CAPNS1: variants seen among roughly 807,000 people sequenced by gnomAD.
CAPNS1 encodes the protein calpain small subunit 1.
CAPNS1 carries 32 observed loss-of-function variants against 39.2 expected under a neutral mutation model. The ratio of observed to expected loss-of-function variants is 0.82; its 90% CI spans 0.62 to 1.10. CAPNS1 has a LOEUF of 1.10. CAPNS1 is among the 50% of genes least tolerant of loss of function. CAPNS1 has a pLI of 0.00. For missense variants in CAPNS1, 353 were observed against 373.1 expected (o/e 0.95, Z 0.44); for synonymous variants, 153 against 136.2 (o/e 1.12, Z -0.86).
intron 3 of CAPNS1, 84 bp downstream of exon 3, chr19:36,142,417 C>T: frequency 2.7e-6 from 2 of 732,106 alleles, no homozygotes; most frequent in South Asian, 3.4e-5. Context: ...GAAGCCCCAC[C>T]TTCCTCCCCT....
intron 3 of CAPNS1, 140 bp downstream of exon 3, chr19:36,142,473 C>G (rs1974411460): frequency 1.5e-6 from 1 of 687,774 alleles, no homozygotes; most frequent in Non-Finnish European, 2.6e-6. Context: ...GTGTCTGCAG[C>G]TTCGCCATGG....
At chr19:36,147,119 T>C (rs1274780926) in intron 9 of CAPNS1, among the ~76,000 whole-genome samples, 1 of 152,260 alleles carries the variant, frequency 6.6e-6, no homozygotes, top group Non-Finnish European at 1.5e-5. Context: ...GCTTTGGTGT[T>C]ACAGGCATGA....
intron 6 of CAPNS1, among the ~76,000 whole-genome samples, 179 bp downstream of exon 6, chr19:36,143,307 C>G (rs1974447120): frequency 6.6e-6 from 1 of 152,178 alleles, no homozygotes; most frequent in African/African-American, 2.4e-5. Flanking sequence ...ACAGCTGGCA[C>G]TTTAATTATA....
At chr19:36,140,807 A>G (rs1255956361) in intron 1 of CAPNS1, 190 bp from the exon 2 acceptor site, 3 of 702,674 alleles carry the variant, frequency 4.3e-6, no homozygotes, top group East Asian at 6.9e-5. Flanking sequence ...TGCCTTTTAG[A>G]CCTGAGGAGG....
chr19:36,149,913 G>C lies in CAPNS1; in HGVS notation c.*74G>C. 1 of 1,307,614 alleles carries C rather than the reference G, an allele frequency of 7.6e-7. No homozygotes were observed. The highest frequency in any genetic ancestry group is 1.0e-6 in the Non-Finnish European group (1 of 996,956). 81.0% of individuals were successfully genotyped at this position (1,307,614 alleles called of 1,614,324 possible). A position where few individuals can be genotyped will look rare whatever the true frequency, so the allele number is the denominator to read the frequency against. On this transcript the variant is annotated 3_prime_UTR_variant, in exon 11 of 11. Transcript: ENST00000246533. ...TGGAGCCTCGGTCTCTCCCAGGGCC[G>C]ATCCTGTCTGCAGTCACATCTTTGT...
In CAPNS1 at chr19:36,142,656, C is replaced by T; in HGVS notation, c.248C>T (p.Pro83Leu). The T allele has an allele frequency of 1.9e-6, 3 of 1,614,064 alleles. No homozygotes were observed. The highest frequency in any genetic ancestry group is 1.1e-5 in the South Asian group (1 of 91,080). Residue 83 changes from proline (P) to leucine (L), a missense_variant, in exon 4 of 11, where the codon CCA (proline) becomes CTA (leucine). Pro to Leu is a moderately conservative substitution (Grantham distance 98). Coordinates refer to ENST00000246533, the MANE Select transcript of CAPNS1 (RefSeq NM_001749.4). The stretch of plus-strand genomic sequence containing the variant: ...TGAGCTCTCCTCCCTTTGCAGCCCC[C>T]ACGCACACATTACTCCAACATTGAG... ...AAQYNPEPPP[P>L]RTHYSNIEAN... is the part of the protein sequence containing the mutation.
At position 36,142,658 on chromosome 19, in the gene CAPNS1, C is replaced by G. The variant is rs371312155; in HGVS notation, c.250C>G (p.Arg84Gly). ...AGCTCTCCTCCCTTTGCAGCCCCCA[C>G]GCACACATTACTCCAACATTGAGGC... ...AQYNPEPPPP[R>G]THYSNIEANE... is the part of the protein sequence containing the mutation. The change falls in exon 4 of 11, where the codon CGC becomes GGC. Residue 84 changes from arginine (R) to glycine (G), a missense_variant. Physicochemically the swap from Arg to Gly is moderately radical, Grantham distance 125. Coordinates refer to ENST00000246533, the MANE Select transcript of CAPNS1 (RefSeq NM_001749.4). The G allele has an allele frequency of 6.2e-7, 1 of 1,614,046 alleles. No homozygotes were observed. The highest frequency in any genetic ancestry group is 8.5e-7 in the Non-Finnish European group (1 of 1,179,910).
At chr19:36,146,084 G>C in intron 8 of CAPNS1, 30 bp downstream of exon 8, 1 of 1,609,576 alleles carries the variant, frequency 6.2e-7, no homozygotes, top group Non-Finnish European at 8.5e-7. Context: ...GCTGGGGCTG[G>C]GAGTGGGATG....
chr19:36,146,052 C>G lies in CAPNS1; in HGVS notation c.602C>G (p.Ala201Gly), dbSNP rs569284310. ...GAACTCCCAGGTGCCTTTGAGGCAG[C>G]AGGTATGGCTGGCAGGGACATGCTG... ...SSELPGAFEA[A>G]GFHLNEHLYN... Residue 201 changes from alanine (A) to glycine (G), a missense_variant and splice_region_variant, in exon 8 of 11, where the codon GCA becomes GGA. Coordinates refer to ENST00000246533, the MANE Select transcript of CAPNS1 (RefSeq NM_001749.4). The G allele has an allele frequency of 1.2e-6, 2 of 1,614,054 alleles. No homozygotes were observed. The highest frequency in any genetic ancestry group is 1.7e-5 in the Admixed American group (1 of 60,014).
In CAPNS1 at chr19:36,142,691, A is replaced by T; in HGVS notation, c.283A>T (p.Ser95Cys). Residue 95 changes from serine (S) to cysteine (C), a missense_variant, in exon 4 of 11, where the codon AGT becomes TGT. Transcript: ENST00000246533. Reference protein sequence around the residue: ...THYSNIEANESEEVRQFRRLF... With the variant: ...THYSNIEANECEEVRQFRRLF... The stretch of plus-strand genomic sequence containing the variant: ...TTACTCCAACATTGAGGCCAACGAG[A>T]GTGAGGAGGTCCGGCAGTTCCGGAG... 6.2e-7 allele frequency: 1 copy of T among 1,613,940 alleles called. No homozygotes were observed. The highest frequency in any genetic ancestry group is 8.5e-7 in the Non-Finnish European group (1 of 1,179,992).
intron 6 of CAPNS1, chr19:36,143,959 A>G (rs1446107889): frequency 6.6e-6 from 1 of 151,174 alleles, no homozygotes; most frequent in East Asian, 2.0e-4. Context: ...GCGGATCACG[A>G]GGTCAGGAGA....
chr19:36,141,122 G>T lies in CAPNS1; in HGVS notation c.111G>T (p.Gly37=). 7.6e-7 allele frequency: 1 copy of T among 1,321,524 alleles called. No homozygotes were observed. Among genetic ancestry groups the T allele is most frequent in the Non-Finnish European group, 9.8e-7 (1 of 1,019,290 alleles). The allele number at this position is 1,321,524 out of a possible 1,614,324, so 81.9% of individuals were successfully genotyped here. Residue 37 remains glycine (G), a synonymous_variant, in exon 2 of 11, where the codon GGG becomes GGT. Coordinates refer to ENST00000246533, the MANE Select transcript of CAPNS1 (RefSeq NM_001749.4). ...NVLGGLISGA[G]GGGGGGGGGG... Reference sequence around the variant, plus strand: ...TTGGAGGCCTGATCAGCGGGGCCGGGGGCGGCGGCGGCGGCGGCGGCGGCG... The same window carrying T: ...TTGGAGGCCTGATCAGCGGGGCCGGTGGCGGCGGCGGCGGCGGCGGCGGCG...
At chr19:36,147,271 G>A (rs149318308) in intron 9 of CAPNS1, among the ~76,000 whole-genome samples, 5 of 152,310 alleles carry the variant, frequency 3.3e-5, no homozygotes, top group African/African-American at 1.2e-4. Context: ...CACCCAGCTA[G>A]GAAGTTGTAA....
intron 9 of CAPNS1, among the ~76,000 whole-genome samples, chr19:36,146,527 G>A (rs1171951865): frequency 2.6e-5 from 4 of 152,218 alleles, no homozygotes; most frequent in Non-Finnish European, 1.5e-5. Flanking sequence ...TGGGAGAGGG[G>A]AAGCTCAGGG....
At chr19:36,147,569 A>C (rs1974615188) in intron 9 of CAPNS1, among the ~76,000 whole-genome samples, 1 of 152,112 alleles carries the variant, frequency 6.6e-6, no homozygotes, top group African/African-American at 2.4e-5. Context: ...GTTCGAGACC[A>C]TCCTGGCTAA....
intron 6 of CAPNS1, 50 bp downstream of exon 6, chr19:36,143,178 T>C (rs1473147928): frequency 6.4e-7 from 1 of 1,551,958 alleles, no homozygotes; most frequent in Middle Eastern, 2.0e-4. Flanking sequence ...AGAGAGTTTT[T>C]TGAGAGTATG....
At chr19:36,142,357 C>A (rs780060644) in intron 3 of CAPNS1, 24 bp downstream of exon 3, 4 of 1,393,676 alleles carry the variant, frequency 2.9e-6, no homozygotes, top group Non-Finnish European at 3.0e-6. Flanking sequence ...GCAACCAGAC[C>A]CCCTTCTCCT....
rs1160209457 is a variant in CAPNS1 at position 36,141,659 on chromosome 19, C to G, written c.209+439C>G. The G allele has an allele frequency of 3.1e-6, 3 of 973,584 alleles. No homozygotes were observed. In the African/African-American group the frequency reaches 5.2e-5, roughly 17 times the overall value. 60.3% of individuals were successfully genotyped at this position (973,584 alleles called of 1,614,324 possible). ...TAGGTGGGTTAATGAGGAGGTGAGC[C>G]CAGGAGGAAGCAAGACCTAATGGGG... On this transcript the variant is annotated intron_variant, in intron 2 of 10. Transcript: ENST00000246533.
chr19:36,147,488 T>C (rs1449497306), intron 9 of CAPNS1, among the ~76,000 whole-genome samples: 1 of 151,880 alleles, frequency 6.6e-6, no homozygotes, highest in Non-Finnish European at 1.5e-5. Context: ...TGGCCTCGGC[T>C]GGGCACGGTG....
Sources: allele counts gnomAD v4.1 joint callset (sites outside exome capture counted in the v4.1 genomes callset), GRCh38; gene constraint gnomAD v4.1.1; transcripts MANE v1.5; gene names NCBI Gene and HGNC (gene_info 2026-07-23, HGNC 2026-07-21).